The following NDRG3 variants were observed in gnomAD, a reference collection of about 807,000 sequenced individuals.
The protein encoded by NDRG3 is NDRG family member 3, also known as protein NDRG3.
NDRG3 carries 23 observed loss-of-function variants against 57.2 expected under a neutral mutation model. That is an observed-to-expected ratio of 0.40 (90% CI 0.29 to 0.57). NDRG3 has a LOEUF of 0.57. Ranked by LOEUF, NDRG3 falls within the 20% of genes least tolerant of loss-of-function variation. The probability of loss-of-function intolerance (pLI) is 0.42; values close to 1 mark genes in which losing one functional copy is unlikely to be tolerated. For synonymous variants in NDRG3, 132 were observed against 162.6 expected (o/e 0.81, Z 1.43); for missense variants, 384 against 457.3 (o/e 0.84, Z 1.46).
intron 2 of NDRG3, among the ~76,000 whole-genome samples, chr20:36,712,491 G>T (rs1983952599): frequency 7.7e-6 from 1 of 130,252 alleles, no homozygotes; most frequent in Non-Finnish European, 1.6e-5. Flanking sequence ...GACCTCCCAG[G>T]CTCAAACGAT....
intron 13 of NDRG3, 143 bp downstream of exon 13, chr20:36,660,194 C>G (rs978892503): frequency 5.1e-6 from 3 of 592,428 alleles, no homozygotes; most frequent in Non-Finnish European, 8.6e-6. Flanking sequence ...GGCAACACAG[C>G]GGGACTCTGT....
At position 36,702,885 on chromosome 20, in the gene NDRG3, T is replaced by C. The variant is rs544104660; in HGVS notation, c.93+4087A>G. On this transcript the variant is annotated intron_variant, in intron 3 of 15. Coordinates refer to ENST00000349004, the MANE Select transcript of NDRG3 (RefSeq NM_032013.4). ...TTTCAATAGAGACGGGGTTTCTCCA[T>C]GCTGGTCAGGCTGGTCTTGAACTCC... Among the ~76,000 whole-genome samples, 3 of 152,066 alleles carry C rather than the reference T, an allele frequency of 2.0e-5. No individual in the cohort carries two copies. The East Asian group carries it at 5.8e-4, about 30-fold the overall frequency.
intron 2 of NDRG3, among the ~76,000 whole-genome samples, chr20:36,715,008 A>ATG (rs1984173456): frequency 5.1e-5 from 1 of 19,462 alleles, no homozygotes; most frequent in Non-Finnish European, 8.9e-5. Context: ...GTGTGTGTGT[A>ATG]TATATATATA....
intron 5 of NDRG3, among the ~76,000 whole-genome samples, chr20:36,686,431 G>C (rs1000737927): frequency 2.6e-5 from 4 of 152,146 alleles, no homozygotes; most frequent in Non-Finnish European, 5.9e-5. Flanking sequence ...TTTAAAGCAG[G>C]GTCTGGAACA....
chr20:36,724,050 T>C (rs1051161928), intron 1 of NDRG3, among the ~76,000 whole-genome samples: 34 of 152,160 alleles, frequency 2.2e-4, no homozygotes, highest in African/African-American at 6.8e-4. Flanking sequence ...CTTCTAGAGA[T>C]AGAATGACAT....
At chr20:36,680,277 G>A (rs1019476186) in intron 8 of NDRG3, among the ~76,000 whole-genome samples, 1 of 151,692 alleles carries the variant, frequency 6.6e-6, no homozygotes, top group Non-Finnish European at 1.5e-5. Context: ...ACAAGGTCAG[G>A]AGTTCAAGAC....
intron 8 of NDRG3, among the ~76,000 whole-genome samples, chr20:36,675,876 CTT>C (rs1980646608): frequency 6.6e-6 from 1 of 152,046 alleles, no homozygotes; most frequent in Admixed American, 6.6e-5. Context: ...ATTTTGGAGA[CTT>C]TATCCTGCAA....
chr20:36,676,466 TTTG>T (rs1372582660), intron 8 of NDRG3, among the ~76,000 whole-genome samples: 2 of 152,090 alleles, frequency 1.3e-5, no homozygotes, highest in East Asian at 1.9e-4. Context: ...TGTTTTTTGT[TTTG>T]TTTTGTTTTT....
At position 36,712,583 on chromosome 20, in the gene NDRG3, ATATATTTTTTTTTT is replaced by A. The variant is rs1486438190; in HGVS notation, c.58-5590_58-5577del. Among the ~76,000 whole-genome samples, 73 of 10,918 alleles carry A rather than the reference ATATATTTTTTTTTT, an allele frequency of 6.7e-3. 1 individual carries two copies. The highest frequency in any genetic ancestry group is 0.017 in the South Asian group (4 of 232). 7.2% of individuals were successfully genotyped at this position (10,918 alleles called of 152,430 possible). A position where few individuals can be genotyped will look rare whatever the true frequency, so the allele number is the denominator to read the frequency against. On this transcript the variant is annotated intron_variant, in intron 2 of 15. Transcript: ENST00000349004. ...GCTATATATATATATATATATATAT[ATATATTTTTTTTTT>A]TTTTTTTTTTTTTTTTGAGACGGAG...
At chr20:36,692,975 T>G (rs568516477) in intron 3 of NDRG3, among the ~76,000 whole-genome samples, 3 of 144,760 alleles carry the variant, frequency 2.1e-5, no homozygotes, top group Non-Finnish European at 4.5e-5. Flanking sequence ...TTCGGGAAGC[T>G]GAGGCAGGAG....
At chr20:36,657,576 G>A (rs552079730) in intron 13 of NDRG3, among the ~76,000 whole-genome samples, 1 of 152,236 alleles carries the variant, frequency 6.6e-6, no homozygotes, top group South Asian at 2.1e-4. Context: ...GGGCATGTTG[G>A]CCATAGGCCT....
At chr20:36,684,972 A>T (rs1282343610) in intron 5 of NDRG3, among the ~76,000 whole-genome samples, 9 of 152,156 alleles carry the variant, frequency 5.9e-5, no homozygotes, top group Non-Finnish European at 1.2e-4. Context: ...CATGCTAAGG[A>T]GAAAGTAAAA....
chr20:36,702,526 T>A (rs1983302899), intron 3 of NDRG3, among the ~76,000 whole-genome samples: 1 of 152,184 alleles, frequency 6.6e-6, no homozygotes, highest in South Asian at 2.1e-4. Flanking sequence ...ACAAGATTTT[T>A]GTTTGTTTGT....
At chr20:36,743,540 C>T (rs370557293) in intron 1 of NDRG3, among the ~76,000 whole-genome samples, 1 of 150,566 alleles carries the variant, frequency 6.6e-6, no homozygotes, top group East Asian at 2.0e-4. Context: ...CTCGGCCTGG[C>T]TTGGTGGCTC....
chr20:36,672,230 T>C (rs1345049832), intron 8 of NDRG3, among the ~76,000 whole-genome samples: 2 of 152,248 alleles, frequency 1.3e-5, no homozygotes, highest in Non-Finnish European at 2.9e-5. Context: ...TTCAAAATGA[T>C]GCATCTCACA....
chr20:36,707,097 T>C, intron 2 of NDRG3, 90 bp from the exon 3 acceptor site: 2 of 1,176,768 alleles, frequency 1.7e-6, no homozygotes, highest in African/African-American at 1.5e-5. Flanking sequence ...CAGCAGTGCA[T>C]GTGCAGCCTC....
At chr20:36,683,996 T>G (rs1373714018) in intron 6 of NDRG3, among the ~76,000 whole-genome samples, 3 of 152,182 alleles carry the variant, frequency 2.0e-5, no homozygotes, top group Non-Finnish European at 4.4e-5. Context: ...TTTAAACAGC[T>G]TTATTTTTAT....
In NDRG3 at chr20:36,721,677, A is replaced by C; in HGVS notation, c.57+2T>G. On this transcript the variant is annotated splice_donor_variant, in intron 2 of 15. Coordinates refer to ENST00000349004, the MANE Select transcript of NDRG3 (RefSeq NM_032013.4). LOFTEE classifies it high-confidence loss of function. ...TTTTAGTGAAAACAGAAAAGTCTTT[A>C]CCTTATCATTTAGAAGTGGTTTGAT... The C allele has an allele frequency of 6.3e-7, 1 of 1,592,192 alleles. No homozygotes were observed. Among genetic ancestry groups the C allele is most frequent in the Non-Finnish European group, 8.6e-7 (1 of 1,163,104 alleles).
intron 2 of NDRG3, among the ~76,000 whole-genome samples, chr20:36,716,819 A>G (rs1216864453): frequency 6.6e-6 from 1 of 152,144 alleles, no homozygotes; most frequent in African/African-American, 2.4e-5. Flanking sequence ...AGCCTGGAAC[A>G]ACCAGGTACA....
Sources: allele counts gnomAD v4.1 joint callset (sites outside exome capture counted in the v4.1 genomes callset), GRCh38; gene constraint gnomAD v4.1.1; transcripts MANE v1.5; gene names NCBI Gene and HGNC (gene_info 2026-07-23, HGNC 2026-07-21).